The following WASL variants were observed in gnomAD, a reference collection of about 807,000 sequenced individuals.
WASL encodes actin nucleation-promoting factor WASL.
WASL carries 20 observed loss-of-function variants against 55.5 expected under a neutral mutation model. That is an observed-to-expected ratio of 0.36 (90% confidence interval 0.25 to 0.52). WASL has a LOEUF of 0.52. Ranked by LOEUF, WASL falls within the 20% of genes least tolerant of loss-of-function variation. WASL has a pLI of 0.92. For synonymous variants in WASL, 249 were observed against 217.6 expected (o/e 1.14, Z -1.27); for missense variants, 504 against 622.5 (o/e 0.81, Z 2.03).
chr7:123,694,016 T>C (rs1803454655), intron 8 of WASL, among the ~76,000 whole-genome samples: 1 of 152,216 alleles, frequency 6.6e-6, no homozygotes. Flanking sequence ...TAATTTAAAA[T>C]GACAGTTAAG....
intron 5 of WASL, among the ~76,000 whole-genome samples, chr7:123,699,157 G>A (rs747979917): frequency 3.3e-5 from 5 of 152,158 alleles, no homozygotes; most frequent in South Asian, 4.1e-4. Context: ...AGGCCAAGGC[G>A]GGCAGATCAT....
intron 1 of WASL, among the ~76,000 whole-genome samples, chr7:123,718,200 TAAAC>T (rs1240872793): frequency 6.6e-6 from 1 of 152,228 alleles, no homozygotes; most frequent in Non-Finnish European, 1.5e-5. Flanking sequence ...TCACACCAAA[TAAAC>T]ATTCACTTTT....
intron 1 of WASL, among the ~76,000 whole-genome samples, chr7:123,730,849 C>G (rs10228367): frequency 6.6e-6 from 1 of 151,760 alleles, no homozygotes; most frequent in African/African-American, 2.4e-5. Flanking sequence ...GTTTGTTATA[C>G]GGGTAAATTG....
intron 1 of WASL, among the ~76,000 whole-genome samples, chr7:123,729,941 A>G (rs913131973): frequency 6.6e-6 from 1 of 152,150 alleles, no homozygotes; most frequent in Admixed American, 6.5e-5. Flanking sequence ...CCTTCAATAA[A>G]CCTAAAAATT....
chr7:123,724,737 C>G (rs545417040), intron 1 of WASL, among the ~76,000 whole-genome samples: 31 of 152,288 alleles, frequency 2.0e-4, no homozygotes, highest in Admixed American at 1.0e-3. Flanking sequence ...ACATTACAAA[C>G]TGCTAATCTG....
chr7:123,721,794 T>TC (rs769585552), intron 1 of WASL, among the ~76,000 whole-genome samples: 3 of 152,218 alleles, frequency 2.0e-5, no homozygotes, highest in Admixed American at 6.5e-5. Flanking sequence ...GCGCCTGTAG[T>TC]CCCAGTCCCA....
intron 1 of WASL, among the ~76,000 whole-genome samples, chr7:123,722,893 G>C (rs1212743129): frequency 2.6e-5 from 4 of 152,120 alleles, no homozygotes. Flanking sequence ...AGGCTAAGAA[G>C]GGAGCCCTGA....
intron 1 of WASL, among the ~76,000 whole-genome samples, chr7:123,710,440 T>C (rs1480199210): frequency 3.9e-5 from 6 of 152,062 alleles, no homozygotes; most frequent in Non-Finnish European, 8.8e-5. Flanking sequence ...TTTGAAGATA[T>C]GCTGTTTTAG....
chr7:123,728,907 A>T (rs1804097159), intron 1 of WASL, among the ~76,000 whole-genome samples: 1 of 152,124 alleles, frequency 6.6e-6, no homozygotes, highest in African/African-American at 2.4e-5. Context: ...ACAAACCATT[A>T]ATGTCTGTGC....
chr7:123,703,115 T>C (rs1475928686), intron 5 of WASL, among the ~76,000 whole-genome samples: 2 of 152,216 alleles, frequency 1.3e-5, no homozygotes, highest in African/African-American at 4.8e-5. Context: ...ACTCAGCTGC[T>C]TCTGTTTCTT....
At chr7:123,688,085 G>T (rs1027682624) in intron 10 of WASL, among the ~76,000 whole-genome samples, 2 of 152,114 alleles carry the variant, frequency 1.3e-5, no homozygotes, top group Non-Finnish European at 2.9e-5. Context: ...CATCATGTTG[G>T]AGAAGCTATT....
At chr7:123,701,098 T>C (rs1410309139) in intron 5 of WASL, among the ~76,000 whole-genome samples, 1 of 152,192 alleles carries the variant, frequency 6.6e-6, no homozygotes, top group Non-Finnish European at 1.5e-5. Flanking sequence ...ATAGAGCCAT[T>C]TTTTAAACAA....
intron 1 of WASL, among the ~76,000 whole-genome samples, chr7:123,728,414 C>T (rs1804086153): frequency 6.6e-6 from 1 of 152,076 alleles, no homozygotes; most frequent in Non-Finnish European, 1.5e-5. Flanking sequence ...GTGTGGCCTG[C>T]TATATTAGGG....
At position 123,748,824 on chromosome 7, in the gene WASL, G is replaced by C; in HGVS notation, c.-90C>G. The C allele has an allele frequency of 6.9e-6, 8 of 1,156,840 alleles. No homozygotes were observed. Among genetic ancestry groups the C allele is most frequent in the Non-Finnish European group, 9.5e-6 (8 of 839,592 alleles). 71.7% of individuals were successfully genotyped at this position (1,156,840 alleles called of 1,614,324 possible). ...CCCCTCTCGGTGACAGGGGCGGGGA[G>C]AAGTGGAGTCAGAGGCGCCACATCT... On this transcript the variant is annotated 5_prime_UTR_variant, in exon 1 of 11. Coordinates refer to ENST00000223023, the MANE Select transcript of WASL (RefSeq NM_003941.4).
At chr7:123,710,328 AG>A (rs1257221973) in intron 1 of WASL, among the ~76,000 whole-genome samples, 1 of 151,378 alleles carries the variant, frequency 6.6e-6, no homozygotes, top group Non-Finnish European at 1.5e-5. Flanking sequence ...TTTTTTAAAG[AG>A]GAAGAACTGA....
intron 9 of WASL, among the ~76,000 whole-genome samples, chr7:123,689,552 G>C (rs1473926710): frequency 6.6e-6 from 1 of 151,974 alleles, no homozygotes; most frequent in Non-Finnish European, 1.5e-5. Context: ...TTGTTACGTG[G>C]GACGCACACT....
At chr7:123,724,169 C>A (rs1804002729) in intron 1 of WASL, among the ~76,000 whole-genome samples, 1 of 152,082 alleles carries the variant, frequency 6.6e-6, no homozygotes, top group Non-Finnish European at 1.5e-5. Context: ...GTAACAGGTT[C>A]CTATTTGATA....
chr7:123,737,596 C>CCAAAA (rs1554407134), intron 1 of WASL, among the ~76,000 whole-genome samples: 40 of 72,808 alleles, frequency 5.5e-4, no homozygotes, highest in African/African-American at 9.2e-4. Context: ...CTCCGTCTCC[C>CCAAAA]AAAAAAAAAA....
At chr7:123,738,835 GTC>G (rs1491472318) in intron 1 of WASL, among the ~76,000 whole-genome samples, 1 of 151,880 alleles carries the variant, frequency 6.6e-6, no homozygotes, top group Admixed American at 6.6e-5. Context: ...ATTGTCTTGA[GTC>G]ACACACAAAA....
Sources: gnomAD v4.1 joint callset for allele counts (sites outside exome capture counted in the v4.1 genomes callset) on GRCh38, gnomAD v4.1.1 for gene constraint, MANE v1.5 for transcripts, NCBI Gene and HGNC (gene_info 2026-07-23, HGNC 2026-07-21) for gene names.